The following EPAS1 variants were observed in gnomAD, a reference collection of about 807,000 sequenced individuals.
EPAS1 encodes the protein endothelial PAS domain-containing protein 1.
EPAS1 carries 23 observed loss-of-function variants against 87.9 expected under a neutral mutation model. That is an observed-to-expected ratio of 0.26 (90% CI 0.19 to 0.37). The LOEUF is 0.37. EPAS1 is among the 10% of genes least tolerant of loss of function. The pLI is 1.00. For synonymous variants in EPAS1, 508 were observed against 444.3 expected (o/e 1.14, Z -1.80); for missense variants, 1,138 against 1,120.7 (o/e 1.02, Z -0.22).
chr2:46,324,736 G>A (rs955875924), intron 1 of EPAS1, among the ~76,000 whole-genome samples: 2 of 152,230 alleles, frequency 1.3e-5, no homozygotes. Flanking sequence ...TTACGTAAGT[G>A]GGGAACTAAC....
rs1455626450 is a variant in EPAS1, at chr2:46,386,671, G to GTATCT, written c.*2015_*2019dup. The GTATCT allele has an allele frequency of 6.6e-6, 1 of 152,574 alleles. No homozygotes were observed. The highest frequency in any genetic ancestry group is 1.5e-5 in the Non-Finnish European group (1 of 68,044). The allele number at this position is 152,574 out of a possible 1,614,324, so 9.5% of individuals were successfully genotyped here. ...TATAAGGAAATGTATTTTGACACTG[G>GTATCT]TATCTTATTAAAGTATTCTGATCCT... On this transcript the variant is annotated 3_prime_UTR_variant, in exon 16 of 16. Coordinates refer to ENST00000263734, the MANE Select transcript of EPAS1 (RefSeq NM_001430.5).
intron 1 of EPAS1, among the ~76,000 whole-genome samples, chr2:46,301,808 A>G: frequency 7.4e-6 from 1 of 135,844 alleles, no homozygotes; most frequent in South Asian, 2.4e-4. Context: ...AGAAGTGATG[A>G]TTCTGTTTGC....
rs537585689 is a variant in EPAS1 at position 46,298,409 on chromosome 2, T to C, written c.26+472T>C. On this transcript the variant is annotated intron_variant, in intron 1 of 15. Coordinates refer to ENST00000263734, the MANE Select transcript of EPAS1 (RefSeq NM_001430.5). Reference sequence around the variant, plus strand: ...TCCTGTGCCCGCGCCGCGGCCCAAGTGGGCAAAGGGGGGCGGGAGGCGGAG... The same window carrying C: ...TCCTGTGCCCGCGCCGCGGCCCAAGCGGGCAAAGGGGGGCGGGAGGCGGAG... 5.9e-5 allele frequency among the ~76,000 whole-genome samples: 9 copies of C among 152,264 alleles called. No individual in the cohort carries two copies. In the South Asian group the frequency reaches 1.9e-3, roughly 32 times the overall value.
intron 4 of EPAS1, among the ~76,000 whole-genome samples, chr2:46,357,314 G>C (rs1423863023): frequency 6.6e-6 from 1 of 152,166 alleles, no homozygotes; most frequent in African/African-American, 2.4e-5. Context: ...ACTAGGCTGG[G>C]GTGATCAGGA....
chr2:46,376,873 A>C lies in EPAS1; in HGVS notation c.1249+120A>C. 2.9e-6 allele frequency: 3 copies of C among 1,029,218 alleles called. No individual in the cohort carries two copies. The South Asian group carries it at 4.1e-5, about 14-fold the overall frequency. 63.8% of individuals were successfully genotyped at this position (1,029,218 alleles called of 1,614,324 possible). ...TAACCAGAGCTACCCCAGCCCCCCA[A>C]GTCTTGTTAATCACCTGTTAGAGGC... is the stretch of plus-strand genomic sequence containing the variant. On this transcript the variant is annotated intron_variant, in intron 9 of 15. Coordinates refer to ENST00000263734, the MANE Select transcript of EPAS1 (RefSeq NM_001430.5).
chr2:46,373,429 C>T (rs190531157), intron 7 of EPAS1, among the ~76,000 whole-genome samples: 10 of 152,272 alleles, frequency 6.6e-5, no homozygotes, highest in East Asian at 1.9e-4. Context: ...GTCCATGCAA[C>T]GGAATACAAC....
At chr2:46,317,304 A>G (rs1449569507) in intron 1 of EPAS1, among the ~76,000 whole-genome samples, 2 of 152,238 alleles carry the variant, frequency 1.3e-5, no homozygotes, top group Non-Finnish European at 2.9e-5. Context: ...TCTAGGAATC[A>G]CTATCTATGG....
Position 46,380,822 on chromosome 2 carries a change from C to G in EPAS1, c.2045+105C>G. On this transcript the variant is annotated intron_variant, in intron 12 of 15. Transcript: ENST00000263734. This position sits in a 1 kb window ranked among gnomAD's most constrained non-coding sequence, Gnocchi z 4.4. ...GGCCCCTGCCCCTCTCCCCAGCCAT[C>G]TGATACCCCATTTAGCCCTTCTCTG... is the stretch of plus-strand genomic sequence containing the variant. The G allele has an allele frequency of 1.3e-6, 2 of 1,570,068 alleles. No individual in the cohort carries two copies. The highest frequency in any genetic ancestry group is 8.6e-7 in the Non-Finnish European group (1 of 1,156,842).
intron 7 of EPAS1, among the ~76,000 whole-genome samples, chr2:46,373,927 T>G (rs986679027): frequency 2.6e-5 from 4 of 152,202 alleles, no homozygotes; most frequent in African/African-American, 9.7e-5. Context: ...TCTTCAGCTG[T>G]AAAGTGGGAA....
At chr2:46,310,565 GA>G (rs1269915843) in intron 1 of EPAS1, among the ~76,000 whole-genome samples, 1 of 152,174 alleles carries the variant, frequency 6.6e-6, no homozygotes, top group African/African-American at 2.4e-5. Context: ...GATACCACCA[GA>G]AGAGGGAAAA....
chr2:46,345,263 C>CT (rs1684001738), intron 1 of EPAS1, among the ~76,000 whole-genome samples: 2 of 152,128 alleles, frequency 1.3e-5, no homozygotes. Flanking sequence ...CCATGCCTGG[C>CT]TTAGATGCTT....
At position 46,375,938 on chromosome 2, in the gene EPAS1, G is replaced by A; in HGVS notation, c.1034+101G>A. 1 of 1,510,764 alleles carries A rather than the reference G, an allele frequency of 6.6e-7. No homozygotes were observed. 93.6% of individuals were successfully genotyped at this position (1,510,764 alleles called of 1,614,324 possible). On this transcript the variant is annotated intron_variant, in intron 8 of 15. Coordinates refer to ENST00000263734, the MANE Select transcript of EPAS1 (RefSeq NM_001430.5). The surrounding 1 kb of genome is among the most constrained non-coding windows in gnomAD (Gnocchi z 4.1). ...GGCCTAGGAGATGCCAGGCCTCTCA[G>A]CGCCCTGGGCACCACCTCAGGGAGG...
Position 46,380,382 on chromosome 2 carries a change from C to A in EPAS1, c.1710C>A (p.Ile570=), listed in dbSNP as rs1162162233. Residue 570 remains isoleucine, a synonymous_variant, in exon 12 of 16, where the codon ATC becomes ATA. Coordinates refer to ENST00000263734, the MANE Select transcript of EPAS1 (RefSeq NM_001430.5). The surrounding 1 kb of genome is among the most constrained non-coding windows in gnomAD (Gnocchi z 4.4). ...ACTGCTTCAGTGCCATGACAAACAT[C>A]TTCCAGCCACTGGCCCCTGTAGCCC... is the stretch of plus-strand genomic sequence containing the variant. ...PQHCFSAMTN[I]FQPLAPVAPH... The A allele has an allele frequency of 5.6e-6, 9 of 1,614,208 alleles. No individual in the cohort carries two copies. The highest frequency in any genetic ancestry group is 3.3e-5 in the Admixed American group (2 of 60,032).
intron 1 of EPAS1, among the ~76,000 whole-genome samples, chr2:46,306,946 A>T (rs1683117561): frequency 6.6e-6 from 1 of 152,228 alleles, no homozygotes; most frequent in African/African-American, 2.4e-5. Context: ...ATATTTTTCT[A>T]AATGAAAACA....
At chr2:46,342,720 T>C (rs1683935366) in intron 1 of EPAS1, among the ~76,000 whole-genome samples, 1 of 152,168 alleles carries the variant, frequency 6.6e-6, no homozygotes, top group South Asian at 2.1e-4. Flanking sequence ...ATGACCTAAG[T>C]AGCGATCCCT....
chr2:46,345,870 A>G (rs1684014466), intron 1 of EPAS1, among the ~76,000 whole-genome samples: 1 of 152,196 alleles, frequency 6.6e-6, no homozygotes, highest in African/African-American at 2.4e-5. Context: ...GATTGCTTAC[A>G]GTTGGAACAG....
chr2:46,376,887 C>G (rs1400772701), intron 9 of EPAS1, 134 bp downstream of exon 9: 1 of 899,420 alleles, frequency 1.1e-6, no homozygotes, highest in East Asian at 2.6e-5. Context: ...TTGTTAATCA[C>G]CTGTTAGAGG....
rs374487821 is a variant in EPAS1, at chr2:46,344,296, G to C, written c.27-2577G>C. On this transcript the variant is annotated intron_variant, in intron 1 of 15. Transcript: ENST00000263734. Reference sequence around the variant, plus strand: ...CCTCTCTGCCTCTTCTTCGAGGAAGGGGCCAATGGCAGAGGGAAGCTTTGT... The same window carrying C: ...CCTCTCTGCCTCTTCTTCGAGGAAGCGGCCAATGGCAGAGGGAAGCTTTGT... Among the ~76,000 whole-genome samples the C allele has an allele frequency of 4.2e-4, 64 of 152,298 alleles. 1 individual carries two copies. In the East Asian group the frequency reaches 8.9e-3, roughly 21 times the overall value.
At chr2:46,369,802 A>G (rs753128646) in intron 6 of EPAS1, 25 bp from the exon 7 acceptor site, 1 of 1,574,174 alleles carries the variant, frequency 6.4e-7, no homozygotes, top group Non-Finnish European at 8.7e-7. Context: ...TTTCTTCCTT[A>G]CATGCTGCCT....
Sources: gnomAD v4.1 joint callset for allele counts (sites outside exome capture counted in the v4.1 genomes callset) on GRCh38, gnomAD v4.1.1 for gene constraint, Gnocchi (gnomAD v3.1) non-coding constraint, MANE v1.5 for transcripts, NCBI Gene and HGNC (gene_info 2026-07-23, HGNC 2026-07-21) for gene names.